DLG1: variants seen among roughly 807,000 people sequenced by gnomAD.
DLG1 encodes discs large MAGUK scaffold protein 1.
In DLG1, 42 loss-of-function variants were observed where a neutral mutation model predicts 123.4. The observed-to-expected ratio is 0.34, with a 90% CI of 0.27 to 0.44. The LOEUF is 0.44. Ranked by LOEUF, DLG1 falls within the 20% of genes least tolerant of loss-of-function variation. DLG1 has a pLI of 1.00. For missense variants in DLG1, 942 were observed against 1,082.6 expected (o/e 0.87, Z 1.82); for synonymous variants, 317 against 356.2 (o/e 0.89, Z 1.24).
intron 4 of DLG1, among the ~76,000 whole-genome samples, chr3:197,242,997 A>C (rs1342296984): frequency 6.6e-6 from 1 of 152,172 alleles, no homozygotes; most frequent in African/African-American, 2.4e-5. Flanking sequence ...GTTGCAAAGA[A>C]AATGAGCACT....
At chr3:197,254,607 G>C (rs2150896604) in intron 4 of DLG1, among the ~76,000 whole-genome samples, 1 of 152,194 alleles carries the variant, frequency 6.6e-6, no homozygotes, top group African/African-American at 2.4e-5. Context: ...TATTATAGCA[G>C]AAAAGAACTT....
chr3:197,229,981 A>C (rs1280724355), intron 4 of DLG1, among the ~76,000 whole-genome samples: 1 of 152,246 alleles, frequency 6.6e-6, no homozygotes, highest in Non-Finnish European at 1.5e-5. Context: ...AATGGGAATC[A>C]TGTCTGACTA....
rs553968598 is a variant in DLG1, at chr3:197,209,152, C to T, written c.319-14563G>A. Among the ~76,000 whole-genome samples, 48 of 145,336 alleles carry T rather than the reference C, an allele frequency of 3.3e-4. 8 individuals carry two copies. The highest frequency in any genetic ancestry group is 2.4e-3 in the Admixed American group (34 of 14,434). Reference sequence around the variant, plus strand: ...AGCATGAATCTTACTTCATGCAAAGCGAGAGATATACTTCGTAAAAAAAGG... The same window carrying T: ...AGCATGAATCTTACTTCATGCAAAGTGAGAGATATACTTCGTAAAAAAAGG... On this transcript the variant is annotated intron_variant, in intron 4 of 24. Coordinates refer to ENST00000667157, the MANE Select transcript of DLG1 (RefSeq NM_001366207.1).
At chr3:197,160,384 T>C (rs1798325262) in intron 5 of DLG1, among the ~76,000 whole-genome samples, 1 of 147,574 alleles carries the variant, frequency 6.8e-6, no homozygotes, top group African/African-American at 2.5e-5. Context: ...AAAAAAAAAC[T>C]GTACTAATAA....
chr3:197,066,637 T>C lies in DLG1; in HGVS notation c.2098+67A>G, dbSNP rs879112532. On this transcript the variant is annotated intron_variant, in intron 20 of 24. Coordinates refer to ENST00000667157, the MANE Select transcript of DLG1 (RefSeq NM_001366207.1). ...ACAACATTTTTTGGGGTATGAGAAT[T>C]TTTTTCCCCCAAATTAAAAAGTATA... The C allele has an allele frequency of 3.2e-5, 42 of 1,296,108 alleles. No individual in the cohort carries two copies. The South Asian group carries it at 5.7e-4, about 18-fold the overall frequency. 80.3% of individuals were successfully genotyped at this position (1,296,108 alleles called of 1,614,324 possible).
chr3:197,055,097 G>C (rs2148762461), intron 23 of DLG1, among the ~76,000 whole-genome samples: 1 of 152,260 alleles, frequency 6.6e-6, no homozygotes, highest in East Asian at 1.9e-4. Context: ...TTACAGGCGT[G>C]AGCCACTGCG....
At chr3:197,184,483 C>T (rs965615974) in intron 5 of DLG1, among the ~76,000 whole-genome samples, 1 of 152,340 alleles carries the variant, frequency 6.6e-6, no homozygotes, top group African/African-American at 2.4e-5. Context: ...TTCAAAGGTG[C>T]TGCCTACATT....
At chr3:197,135,544 C>T (rs113383535) in intron 10 of DLG1, among the ~76,000 whole-genome samples, 50 of 152,192 alleles carry the variant, frequency 3.3e-4, no homozygotes, top group Admixed American at 9.8e-4. Flanking sequence ...TACCCAGTCT[C>T]GGGTAATTCT....
rs190727072 is a variant in DLG1, at chr3:197,060,515, A to G, written c.2374-517T>C. ...CATCTCCCCATAGCTATCATTTCAT[A>G]AAAGATAAAAAACCCTAGAGTAAGG... On this transcript the variant is annotated intron_variant, in intron 22 of 24. Coordinates refer to ENST00000667157, the MANE Select transcript of DLG1 (RefSeq NM_001366207.1). Among the ~76,000 whole-genome samples, 3 of 152,350 alleles carry G rather than the reference A, an allele frequency of 2.0e-5. No individual in the cohort carries two copies. The East Asian group carries it at 5.8e-4, about 29-fold the overall frequency.
At chr3:197,143,587 C>T (rs1789176560) in intron 6 of DLG1, among the ~76,000 whole-genome samples, 1 of 152,146 alleles carries the variant, frequency 6.6e-6, no homozygotes, top group Admixed American at 6.5e-5. Flanking sequence ...CCATAACATA[C>T]TTCCTCTAAA....
rs115955965 is a variant in DLG1, at chr3:197,199,536, A to G, written c.319-4947T>C. On this transcript the variant is annotated intron_variant, in intron 4 of 24. Transcript: ENST00000667157. ...ATGCAAATATCCCCAAATCTGAAAA[A>G]TTCCAAAATCCGAAACGCTTCTGGT... Among the ~76,000 whole-genome samples, 143 of 152,308 alleles carry G rather than the reference A, an allele frequency of 9.4e-4. 1 individual carries two copies. Among genetic ancestry groups the G allele is most frequent in the Middle Eastern group, 3.4e-3 (1 of 294 alleles).
At chr3:197,065,837 G>T in intron 20 of DLG1, 28 bp from the exon 21 acceptor site, 1 of 1,293,550 alleles carries the variant, frequency 7.7e-7, no homozygotes, top group South Asian at 1.3e-5. Context: ...ATGTTAAAAG[G>T]AATAAACATT....
chr3:197,147,431 T>C lies in DLG1; in HGVS notation c.537+2312A>G, dbSNP rs1053457826. Among the ~76,000 whole-genome samples, 43 of 81,578 alleles carry C rather than the reference T, an allele frequency of 5.3e-4. 1 individual carries two copies. The highest frequency in any genetic ancestry group is 6.0e-3 in the Middle Eastern group (1 of 168). The allele number at this position is 81,578 out of a possible 152,430, so 53.5% of individuals were successfully genotyped here. A position where few individuals can be genotyped will look rare whatever the true frequency, so the allele number is the denominator to read the frequency against. ...ATGAGTGGATAAAAAATATATGGTG[T>C]GCACACACACACACACACACACACA... On this transcript the variant is annotated intron_variant, in intron 6 of 24. Transcript: ENST00000667157.
At chr3:197,085,506 C>T (rs1473418058) in intron 16 of DLG1, 74 bp downstream of exon 16, 3 of 1,524,942 alleles carry the variant, frequency 2.0e-6, no homozygotes, top group African/African-American at 2.7e-5. Flanking sequence ...CATGTTGTCA[C>T]AAATTAAAAA....
intron 14 of DLG1, among the ~76,000 whole-genome samples, chr3:197,102,215 C>T (rs1763870378): frequency 6.6e-6 from 1 of 152,064 alleles, no homozygotes; most frequent in Non-Finnish European, 1.5e-5. Flanking sequence ...GAATCCAAGT[C>T]AAGAAAGTTC....
intron 5 of DLG1, among the ~76,000 whole-genome samples, chr3:197,189,495 T>A (rs981641648): frequency 6.6e-6 from 1 of 152,186 alleles, no homozygotes; most frequent in Admixed American, 6.5e-5. Context: ...AAAATCCTTA[T>A]CTACTCAGTT....
chr3:197,045,904 GA>G (rs572279817), intron 24 of DLG1, among the ~76,000 whole-genome samples: 2 of 152,150 alleles, frequency 1.3e-5, no homozygotes, highest in Non-Finnish European at 2.9e-5. Context: ...GTCAAAGGGG[GA>G]TTTTAAATAA....
At chr3:197,162,561 G>T (rs1799229312) in intron 5 of DLG1, among the ~76,000 whole-genome samples, 1 of 152,068 alleles carries the variant, frequency 6.6e-6, no homozygotes, top group African/African-American at 2.4e-5. Flanking sequence ...AAAATAAAAT[G>T]GCAATGATCT....
At chr3:197,225,526 A>G (rs1297383252) in intron 4 of DLG1, among the ~76,000 whole-genome samples, 3 of 152,214 alleles carry the variant, frequency 2.0e-5, no homozygotes, top group Non-Finnish European at 4.4e-5. Flanking sequence ...CATCAAAGTG[A>G]TGTCAGAAAC....
Sources: gnomAD v4.1 joint callset for allele counts (sites outside exome capture counted in the v4.1 genomes callset) on GRCh38, gnomAD v4.1.1 for gene constraint, MANE v1.5 for transcripts, NCBI Gene and HGNC (gene_info 2026-07-23, HGNC 2026-07-21) for gene names.